Variants in KIF18A observed in about 807,000 individuals in gnomAD.
KIF18A encodes the protein kinesin family member 18A.
In KIF18A, 67 loss-of-function variants were observed where a neutral mutation model predicts 103.3. The observed-to-expected ratio is 0.65, with a 90% CI of 0.53 to 0.79. The LOEUF (loss-of-function observed/expected upper bound fraction) is 0.79. KIF18A is among the 30% of genes least tolerant of loss of function. The pLI, the probability that KIF18A is intolerant of heterozygous loss-of-function variation, is 0.00. For synonymous variants in KIF18A, 367 were observed against 355.5 expected (o/e 1.03, Z -0.36); for missense variants, 1,032 against 1,062.5 (o/e 0.97, Z 0.40).
At position 28,023,848 on chromosome 11, in the gene KIF18A, G is replaced by A. The variant is rs767735994; in HGVS notation, c.2507C>T (p.Ser836Phe). The change falls in exon 16 of 17, where the codon TCT becomes TTT. Residue 836 changes from serine to phenylalanine, a missense_variant and splice_region_variant. Ser to Phe is a radical substitution (Grantham distance 155). Coordinates refer to ENST00000263181, the MANE Select transcript of KIF18A (RefSeq NM_031217.4). ...AAKRKRKLTS[S>F]TSNSSLTADV... ...TGCAGTTAACGAACTGTTTGATGTA[G>A]AACTTGAGAGGAAAAGTTTTTAATT... 1.9e-6 allele frequency: 3 copies of A among 1,589,710 alleles called. No homozygotes were observed. Among genetic ancestry groups the A allele is most frequent in the South Asian group, 2.3e-5 (2 of 88,866 alleles).
In KIF18A at chr11:28,088,588, C is replaced by A; in HGVS notation, c.833G>T (p.Gly278Val). Residue 278 changes from glycine to valine, a missense_variant, in exon 6 of 17, where the codon GGC (glycine) becomes GTC (valine). Gly to Val is a moderately radical substitution (Grantham distance 109). Coordinates refer to ENST00000263181, the MANE Select transcript of KIF18A (RefSeq NM_031217.4). The part of the protein sequence containing the change: ...SGAKGTRFVE[G>V]TNINRSLLAL... ...TAAAAGTGATCTATTAATATTTGTG[C>A]CTTCTACAAATCGGGTCCCCTTAGC... The A allele has an allele frequency of 1.2e-6, 2 of 1,613,928 alleles. No homozygotes were observed. The highest frequency in any genetic ancestry group is 8.5e-7 in the Non-Finnish European group (1 of 1,179,890).
intron 2 of KIF18A, among the ~76,000 whole-genome samples, chr11:28,095,668 T>A (rs190433144): frequency 6.8e-4 from 104 of 152,290 alleles, no homozygotes; most frequent in African/African-American, 2.3e-3. Flanking sequence ...TTTCCTAGAT[T>A]CTATTCAGTA....
Position 28,097,755 on chromosome 11 carries a change from T to C in KIF18A, c.193A>G (p.Ile65Val), listed in dbSNP as rs1377005751. The stretch of plus-strand genomic sequence containing the variant: ...TTAAGATCCTTATTTTGTTTCTTTA[T>C]AACATTTTGATTTGTAGTTTTCTTT... Reference protein sequence around the residue: ...HGKKTTNQNVIKKQNKDLKFV... With the variant: ...HGKKTTNQNVVKKQNKDLKFV... Residue 65 changes from isoleucine to valine, a missense_variant, in exon 2 of 17, where the codon ATA (isoleucine) becomes GTA (valine). Physicochemically the swap from Ile to Val is conservative, Grantham distance 29 (BLOSUM62 3). Transcript: ENST00000263181. 1.9e-6 allele frequency: 3 copies of C among 1,611,824 alleles called. No homozygotes were observed. In the South Asian group the frequency reaches 3.3e-5, roughly 18 times the overall value.
chr11:28,042,790 T>G (rs1323858335), intron 13 of KIF18A, among the ~76,000 whole-genome samples: 1 of 151,844 alleles, frequency 6.6e-6, no homozygotes, highest in Non-Finnish European at 1.5e-5. Context: ...CAGATTCCCT[T>G]TAAAATGATC....
intron 1 of KIF18A, among the ~76,000 whole-genome samples, chr11:28,103,874 A>C (rs1265795579): frequency 6.6e-6 from 1 of 152,202 alleles, no homozygotes; most frequent in East Asian, 1.9e-4. Context: ...TTTCTTGTTT[A>C]GAAAATTAAA....
intron 1 of KIF18A, among the ~76,000 whole-genome samples, chr11:28,098,876 A>T (rs1341557560): frequency 6.8e-6 from 1 of 148,044 alleles, no homozygotes; most frequent in African/African-American, 2.4e-5. Flanking sequence ...AACAACAAAA[A>T]GACAAAAAAA....
chr11:28,041,977 T>G (rs978891983), intron 13 of KIF18A, among the ~76,000 whole-genome samples: 1 of 151,656 alleles, frequency 6.6e-6, no homozygotes, highest in Non-Finnish European at 1.5e-5. Context: ...CTCCCACTCA[T>G]CAAGCTTGGG....
chr11:28,083,346 C>T, intron 7 of KIF18A, 103 bp from the exon 8 acceptor site: 1 of 1,261,994 alleles, frequency 7.9e-7, no homozygotes, highest in Admixed American at 3.6e-5. Flanking sequence ...TCCATGAATT[C>T]AGAATTTGTG....
intron 13 of KIF18A, among the ~76,000 whole-genome samples, chr11:28,057,727 C>T (rs1465544054): frequency 2.6e-5 from 4 of 151,874 alleles, no homozygotes; most frequent in African/African-American, 7.3e-5. Flanking sequence ...CTGCTATGCA[C>T]GCACAAATGT....
intron 10 of KIF18A, among the ~76,000 whole-genome samples, chr11:28,074,270 A>T (rs1851061189): frequency 6.6e-6 from 1 of 152,174 alleles, no homozygotes; most frequent in Non-Finnish European, 1.5e-5. Flanking sequence ...CAGCAACCAT[A>T]TGAAAGAAGT....
intron 9 of KIF18A, among the ~76,000 whole-genome samples, chr11:28,081,177 T>A (rs1366047885): frequency 6.6e-6 from 1 of 152,212 alleles, no homozygotes; most frequent in Non-Finnish European, 1.5e-5. Context: ...CAGCAAGTGC[T>A]GATGTAGAAG....
At chr11:28,049,007 C>G (rs1454905509) in intron 13 of KIF18A, among the ~76,000 whole-genome samples, 1 of 152,040 alleles carries the variant, frequency 6.6e-6, no homozygotes, top group African/African-American at 2.4e-5. Flanking sequence ...GAAGACTCTT[C>G]TGAGAGGTCT....
chr11:28,070,980 C>T lies in KIF18A; in HGVS notation c.1426-1557G>A, dbSNP rs546603094. ...CTGATGTGGGAGCATCACTTGAGTC[C>T]GGGAGGTTGAGGCTGCAGTGCAGTG... On this transcript the variant is annotated intron_variant, in intron 10 of 16. Coordinates refer to ENST00000263181, the MANE Select transcript of KIF18A (RefSeq NM_031217.4). Among the ~76,000 whole-genome samples the T allele has an allele frequency of 5.3e-5, 8 of 152,212 alleles. No individual in the cohort carries two copies. The South Asian group carries it at 6.2e-4, about 12-fold the overall frequency.
At position 28,077,065 on chromosome 11, in the gene KIF18A, T is replaced by C. The variant is rs761811553; in HGVS notation, c.1367A>G (p.Tyr456Cys). 4.4e-6 allele frequency: 7 copies of C among 1,579,136 alleles called. No individual in the cohort carries two copies. The highest frequency in any genetic ancestry group is 5.2e-6 in the Non-Finnish European group (6 of 1,164,718). Residue 456 changes from tyrosine (Y) to cysteine (C), a missense_variant, in exon 10 of 17, where the codon TAC becomes TGC. Tyr to Cys is a radical substitution (Grantham distance 194). Transcript: ENST00000263181. ...LLKENELKSF[Y>C]QQQCHKQIEM... ...TATTTGTTTATGGCACTGTTGTTGG[T>C]AGAATGATTTAAGTTCATTTTCTTT... is the stretch of plus-strand genomic sequence containing the variant.
chr11:28,076,598 G>C (rs1261375617), intron 10 of KIF18A: 1 of 152,364 alleles, frequency 6.6e-6, no homozygotes, highest in African/African-American at 2.4e-5. Context: ...TGTAAAGAAT[G>C]GGTGAGTAAG....
chr11:28,101,155 G>A (rs1019880951), intron 1 of KIF18A, among the ~76,000 whole-genome samples: 1 of 151,974 alleles, frequency 6.6e-6, no homozygotes, highest in East Asian at 1.9e-4. Context: ...CCCTGTTATA[G>A]GGCATTTAGA....
intron 13 of KIF18A, among the ~76,000 whole-genome samples, chr11:28,040,661 C>T (rs1482215825): frequency 6.6e-6 from 1 of 151,618 alleles, no homozygotes; most frequent in African/African-American, 2.4e-5. Flanking sequence ...CACGCTCTTG[C>T]AAACTGGAAT....
intron 9 of KIF18A, among the ~76,000 whole-genome samples, chr11:28,077,507 A>T (rs767746710): frequency 6.6e-6 from 1 of 152,116 alleles, no homozygotes; most frequent in Non-Finnish European, 1.5e-5. Context: ...AAAATAAAAT[A>T]ATTTTTGTTT....
chr11:28,023,876 G>A, intron 15 of KIF18A, 26 bp from the exon 16 acceptor site: 1 of 1,369,900 alleles, frequency 7.3e-7, no homozygotes, highest in Non-Finnish European at 1.0e-6. Flanking sequence ...TTTTAATTTA[G>A]TTAAGCATTT....
Sources: gnomAD v4.1 joint callset for allele counts (sites outside exome capture counted in the v4.1 genomes callset) on GRCh38, gnomAD v4.1.1 for gene constraint, MANE v1.5 for transcripts, NCBI Gene and HGNC (gene_info 2026-07-23, HGNC 2026-07-21) for gene names.